The following RAB40C variants were observed in gnomAD, a reference collection of about 807,000 sequenced individuals.
The protein encoded by RAB40C is ras-related protein Rab-40C.
RAB40C carries 8 observed loss-of-function variants against 28.1 expected under a neutral mutation model. The observed-to-expected ratio is 0.28, with a 90% CI of 0.17 to 0.51. The LOEUF is 0.51. Among genes scored for constraint, RAB40C ranks in the 20% least tolerant of loss-of-function variants. RAB40C has a pLI of 0.97. For missense variants in RAB40C, 288 were observed against 405.9 expected, an observed-to-expected ratio of 0.71 and a Z score of 2.50; for synonymous variants, 201 against 171.7, an observed-to-expected ratio of 1.17 and a Z score of -1.34.
intron 3 of RAB40C, among the ~76,000 whole-genome samples, chr16:621,857 G>A (rs1049843620): frequency 5.3e-5 from 8 of 152,240 alleles, no homozygotes; most frequent in Admixed American, 1.3e-4. Flanking sequence ...CCCTGAGAGG[G>A]GGTTTATGTG....
chr16:617,849 GA>G (rs373035221), intron 2 of RAB40C, among the ~76,000 whole-genome samples: 4,322 of 140,220 alleles, frequency 0.031, 106 homozygotes, highest in African/African-American at 0.074. Context: ...TCTCAAAAAA[GA>G]AAAAAAAAAA....
At chr16:602,605 A>AT (rs2036276869) in intron 1 of RAB40C, among the ~76,000 whole-genome samples, 1 of 151,534 alleles carries the variant, frequency 6.6e-6, no homozygotes, top group Admixed American at 6.6e-5. Context: ...GTTTTTTGGT[A>AT]TTTTTTTAGT....
At chr16:623,912 G>A (rs2036773262) in intron 3 of RAB40C, 1 of 976,066 alleles carries the variant, frequency 1.0e-6, no homozygotes, top group Non-Finnish European at 1.2e-6. Context: ...CCCCAGCCTG[G>A]CTGACAGAGT....
chr16:614,347 C>T (rs148654560), intron 1 of RAB40C, among the ~76,000 whole-genome samples: 5 of 106,984 alleles, frequency 4.7e-5, no homozygotes, highest in Admixed American at 8.4e-5. Context: ...TGCCGCATCC[C>T]GATGGTGAAC....
At chr16:619,121 G>C (rs1386175887) in intron 3 of RAB40C, among the ~76,000 whole-genome samples, 18 of 144,734 alleles carry the variant, frequency 1.2e-4, no homozygotes, top group Non-Finnish European at 2.3e-4. Flanking sequence ...GGGGGCACTG[G>C]GGCCATGTGT....
Position 627,870 on chromosome 16 carries a change from TC to T in RAB40C, c.*252del. On this transcript the variant is annotated 3_prime_UTR_variant, in exon 6 of 6. Coordinates refer to ENST00000248139, the MANE Select transcript of RAB40C (RefSeq NM_021168.5). ...ATCTTGGTCGGAAACAAGCCGGGCC[TC>T]CCCAGCTGCCTGGGCTTGACCGGCG... is the stretch of plus-strand genomic sequence containing the variant. The T allele has an allele frequency of 2.2e-6, 1 of 459,394 alleles. No homozygotes were observed. The highest frequency in any genetic ancestry group is 3.8e-6 in the Non-Finnish European group (1 of 264,916). The allele number at this position is 459,394 out of a possible 1,614,324, so 28.5% of individuals were successfully genotyped here.
At chr16:624,268 C>G in intron 3 of RAB40C, 1 of 985,450 alleles carries the variant, frequency 1.0e-6, no homozygotes, top group Non-Finnish European at 1.2e-6. Flanking sequence ...TCCCCAGTCT[C>G]TCCACCTCCC....
chr16:613,708 A>G (rs2151073057), intron 1 of RAB40C, among the ~76,000 whole-genome samples: 1 of 151,756 alleles, frequency 6.6e-6, no homozygotes, highest in East Asian at 1.9e-4. Context: ...CCCAGAGGAT[A>G]GTTTGTCTTT....
intron 2 of RAB40C, among the ~76,000 whole-genome samples, chr16:617,692 A>G (rs183342387): frequency 6.6e-6 from 1 of 152,092 alleles, no homozygotes; most frequent in East Asian, 1.9e-4. Context: ...AAAATACAAA[A>G]ATTAGCCAGG....
chr16:590,304 G>A lies in RAB40C; in HGVS notation c.13G>A (p.Gly5Ser), dbSNP rs775383195. 6 of 1,567,260 alleles carry A rather than the reference G, an allele frequency of 3.8e-6. No homozygotes were observed. The South Asian group carries it at 6.9e-5, about 18-fold the overall frequency. The change falls in exon 1 of 6, where the codon GGC becomes AGC. Residue 5 changes from glycine (G) to serine (S), a missense_variant. By Grantham distance (56) the Gly-to-Ser change is moderately conservative. Transcript: ENST00000248139. The part of the protein sequence containing the change: MGSQ[G>S]SPVKSYDYLL... ...AGGCGGCGCGGCCATGGGCTCGCAG[G>A]GCAGTCCGGTGAAGAGCTACGACTA...
chr16:608,399 C>G (rs1375345539), intron 1 of RAB40C, among the ~76,000 whole-genome samples: 3 of 152,230 alleles, frequency 2.0e-5, no homozygotes, highest in Non-Finnish European at 4.4e-5. Flanking sequence ...CACTCCTGAG[C>G]CTGCTTAGCT....
intron 1 of RAB40C, among the ~76,000 whole-genome samples, chr16:597,343 T>C (rs2151060882): frequency 6.6e-6 from 1 of 152,170 alleles, no homozygotes; most frequent in Non-Finnish European, 1.5e-5. Context: ...TCGCCGTCTT[T>C]ACAGTGAACA....
intron 3 of RAB40C, among the ~76,000 whole-genome samples, chr16:619,980 G>A (rs2036678531): frequency 6.6e-6 from 1 of 152,240 alleles, no homozygotes; most frequent in Non-Finnish European, 1.5e-5. Context: ...GGGAGCAGAA[G>A]GGCCTGCAGG....
chr16:621,465 G>T (rs1348593675), intron 3 of RAB40C, among the ~76,000 whole-genome samples: 1 of 152,236 alleles, frequency 6.6e-6, no homozygotes, highest in African/African-American at 2.4e-5. Context: ...CTTGCAGATG[G>T]CACCAGCAAA....
intron 1 of RAB40C, among the ~76,000 whole-genome samples, chr16:613,337 CAA>C (rs2036522319): frequency 6.6e-6 from 1 of 152,112 alleles, no homozygotes; most frequent in South Asian, 2.1e-4. Flanking sequence ...CCTGTAGAAT[CAA>C]GAGCAGGGGA....
chr16:625,716 G>A (rs374509789), intron 4 of RAB40C, 183 bp from the exon 5 acceptor site: 8 of 830,142 alleles, frequency 9.6e-6, no homozygotes, highest in Non-Finnish European at 1.5e-5. Flanking sequence ...GAGCTACGGG[G>A]CCACCCGGAA....
chr16:601,183 CT>C (rs1315146996), intron 1 of RAB40C, among the ~76,000 whole-genome samples: 2 of 152,208 alleles, frequency 1.3e-5, no homozygotes, highest in African/African-American at 2.4e-5. Flanking sequence ...GCTGGTTTGA[CT>C]TTTAAAAAAT....
At chr16:625,764 A>G in intron 4 of RAB40C, 135 bp from the exon 5 acceptor site, 1 of 968,078 alleles carries the variant, frequency 1.0e-6, no homozygotes, top group South Asian at 1.6e-5. Flanking sequence ...GGGTCTGCCC[A>G]CCTTGACCTC....
intron 3 of RAB40C, among the ~76,000 whole-genome samples, chr16:623,511 G>A (rs781726500): frequency 2.0e-5 from 3 of 151,974 alleles, no homozygotes; most frequent in African/African-American, 4.8e-5. Flanking sequence ...AAAATTAGCC[G>A]GGCATGGTGG....
Sources: gnomAD v4.1 joint callset for allele counts (sites outside exome capture counted in the v4.1 genomes callset) on GRCh38, gnomAD v4.1.1 for gene constraint, MANE v1.5 for transcripts, NCBI Gene and HGNC (gene_info 2026-07-23, HGNC 2026-07-21) for gene names.